The following HRNR variants were observed in gnomAD, a reference collection of about 807,000 sequenced individuals.
The protein encoded by HRNR is hornerin.
Under a neutral mutation model 4.8 loss-of-function variants are expected in HRNR, and 7 were observed. That is an observed-to-expected ratio of 1.47 (90% CI 0.83 to 2.75). HRNR has a LOEUF of 2.75. HRNR is among the 30% of genes most tolerant of loss of function. The pLI, the probability that HRNR is intolerant of heterozygous loss-of-function variation, is 0.00. For synonymous variants in HRNR, 1,023 were observed against 1,242.7 expected, an observed-to-expected ratio of 0.82 and a Z score of 3.72; for missense variants, 2,879 against 3,010.4, an observed-to-expected ratio of 0.96 and a Z score of 1.02.
At position 152,219,389 on chromosome 1, in the gene HRNR, C is replaced by G. The variant is rs948942764; in HGVS notation, c.2240G>C (p.Gly747Ala). Reference protein sequence around the residue: ...SRSEQHGSSSGLSSSYGQHGS... With the variant: ...SRSEQHGSSSALSSSYGQHGS... ...ATGCTGACCATAGCTGGAAGACAAACCTGAGCTAGATCCGTGTTGTTCACT... is the reference window on the plus strand; with the variant it reads ...ATGCTGACCATAGCTGGAAGACAAAGCTGAGCTAGATCCGTGTTGTTCACT... The change falls in exon 3 of 3, where the codon GGT becomes GCT. Residue 747 changes from glycine (G) to alanine (A), a missense_variant. Physicochemically the swap from Gly to Ala is moderately conservative, Grantham distance 60 (BLOSUM62 0). Coordinates refer to ENST00000368801, the MANE Select transcript of HRNR (RefSeq NM_001009931.3). The G allele has an allele frequency of 1.2e-6, 2 of 1,614,050 alleles. No individual in the cohort carries two copies. Among genetic ancestry groups the G allele is most frequent in the South Asian group, 2.2e-5 (2 of 91,078 alleles).
At position 152,219,236 on chromosome 1, in the gene HRNR, G is replaced by A. The variant is rs77898999; in HGVS notation, c.2393C>T (p.Thr798Ile). Residue 798 changes from threonine (T) to isoleucine (I), a missense_variant, in exon 3 of 3, where the codon ACA becomes ATA. By Grantham distance (89) the Thr-to-Ile change is moderately conservative. Transcript: ENST00000368801. ...SSSHGQHGSG[T>I]SCSSSCGHYE... is the part of the protein sequence containing the mutation. ...ATGGCCACAGCTGGAAGAACAACTT[G>A]TGCCAGACCCGTGTTGGCCGTGGCT... The A allele has an allele frequency of 6.2e-6, 10 of 1,613,800 alleles. No individual in the cohort carries two copies. Among genetic ancestry groups the A allele is most frequent in the South Asian group, 1.1e-5 (1 of 91,056 alleles).
rs756043881 is a variant in HRNR at position 152,219,461 on chromosome 1, G to A, written c.2168C>T (p.Ser723Phe). 38 of 1,613,848 alleles carry A rather than the reference G, an allele frequency of 2.4e-5. No homozygotes were observed. The East Asian group carries it at 7.6e-4, about 32-fold the overall frequency. The change falls in exon 3 of 3, where the codon TCC becomes TTC. Residue 723 changes from serine to phenylalanine, a missense_variant. By Grantham distance (155) the Ser-to-Phe change is radical (BLOSUM62 -2). Coordinates refer to ENST00000368801, the MANE Select transcript of HRNR (RefSeq NM_001009931.3). The stretch of plus-strand genomic sequence containing the variant: ...AGAGCCGTGTTTTCTGTAGCCGGAG[G>A]AGTGACTTGAGCCAGATCCATGCTG... ...YSQHGSGSSH[S>F]SGYRKHGSRS...
chr1:152,221,612 C>T (rs1428196570), intron 2 of HRNR, 122 bp from the exon 3 acceptor site: 2 of 713,852 alleles, frequency 2.8e-6, no homozygotes, highest in East Asian at 2.6e-5. Context: ...CTCATTCACA[C>T]AGTCCTTTAG....
At position 152,220,075 on chromosome 1, in the gene HRNR, A is replaced by C. The variant is rs772169218; in HGVS notation, c.1554T>G (p.Gly518=). The change falls in exon 3 of 3, where the codon GGT becomes GGG. Residue 518 remains glycine (G), a synonymous_variant. Transcript: ENST00000368801. The stretch of plus-strand genomic sequence containing the variant: ...ATTGACGGGAGCCAGACCCATGCTG[A>C]CCATAGCTGGAAGATGAACCTGCAC... ...GSSAGSSSSY[G]QHGSGSRQSL... The C allele has an allele frequency of 5.0e-6, 8 of 1,613,378 alleles. 1 individual carries two copies. The highest frequency in any genetic ancestry group is 1.3e-5 in the African/African-American group (1 of 74,794).
chr1:152,223,289 G>C lies in HRNR; in HGVS notation c.-25-11C>G. On this transcript the variant is annotated splice_polypyrimidine_tract_variant and intron_variant, in intron 1 of 2. Coordinates refer to ENST00000368801, the MANE Select transcript of HRNR (RefSeq NM_001009931.3). ...GCAAGTTTGAGTAACCTAAAGGGAGGAAAAAGAGAGACCAACCCCTTACTA... is the reference window on the plus strand; with the variant it reads ...GCAAGTTTGAGTAACCTAAAGGGAGCAAAAAGAGAGACCAACCCCTTACTA... The C allele has an allele frequency of 1.9e-6, 3 of 1,549,564 alleles. No individual in the cohort carries two copies. The highest frequency in any genetic ancestry group is 2.6e-6 in the Non-Finnish European group (3 of 1,134,500).
rs1228635104 is a variant in HRNR at position 152,220,381 on chromosome 1, G to C, written c.1248C>G (p.His416Gln). ...CTGGAGACTGGCCAGATCCAGAGCT[G>C]TGTTGGCCGCGGCCTGAAGAGTGAC... ...ASRHSSGRGQ[H>Q]SSGSGQSPGH... Residue 416 changes from histidine to glutamine, a missense_variant, in exon 3 of 3, where the codon CAC becomes CAG. By Grantham distance (24) the His-to-Gln change is conservative. Around this residue, in one of 8 missense-constraint regions of HRNR, gnomAD observed 2,646 missense variants for 1,377.7 expected, o/e 1.92. Coordinates refer to ENST00000368801, the MANE Select transcript of HRNR (RefSeq NM_001009931.3). 2 of 1,613,348 alleles carry C rather than the reference G, an allele frequency of 1.2e-6. No homozygotes were observed. Among genetic ancestry groups the C allele is most frequent in the Non-Finnish European group, 1.7e-6 (2 of 1,179,638 alleles).
In HRNR at chr1:152,220,302, C is replaced by T. The variant is rs539370486; in HGVS notation, c.1327G>A (p.Gly443Arg). 3 of 1,613,970 alleles carry T rather than the reference C, an allele frequency of 1.9e-6. No individual in the cohort carries two copies. The South Asian group carries it at 3.3e-5, about 18-fold the overall frequency. ...SGQSPSSGQHGTGFGRSSSSG... is the reference protein window; with the variant it reads ...SGQSPSSGQHRTGFGRSSSSG... ...CTGGAAGATCGACCAAAGCCAGTCC[C>T]ATGTTGGCCGGAGCTGGGAGACTGC... The change falls in exon 3 of 3, where the codon GGG (glycine) becomes AGG (arginine). Residue 443 changes from glycine (G) to arginine (R), a missense_variant. Gly to Arg is a moderately radical substitution (Grantham distance 125). Coordinates refer to ENST00000368801, the MANE Select transcript of HRNR (RefSeq NM_001009931.3).
chr1:152,218,488 A>G lies in HRNR; in HGVS notation c.3141T>C (p.Ser1047=). The part of the protein sequence containing the change: ...RGPYESGSGH[S]SGLGHRESRS... ...GAGACTCTCGGTGACCTAAGCCAGA[A>G]GAGTGACCGGAGCCAGACTCATATG... is the stretch of plus-strand genomic sequence containing the variant. Residue 1047 remains serine (S), a synonymous_variant, in exon 3 of 3, where the codon TCT becomes TCC. Transcript: ENST00000368801. 6.2e-7 allele frequency: 1 copy of G among 1,613,576 alleles called. No individual in the cohort carries two copies. Among genetic ancestry groups the G allele is most frequent in the Non-Finnish European group, 8.5e-7 (1 of 1,179,954 alleles).
In HRNR at chr1:152,218,940, C is replaced by G. The variant is rs1648792781; in HGVS notation, c.2689G>C (p.Gly897Arg). 3.7e-6 allele frequency: 6 copies of G among 1,613,662 alleles called. No individual in the cohort carries two copies. Among genetic ancestry groups the G allele is most frequent in the African/African-American group, 1.3e-5 (1 of 74,828 alleles). The stretch of plus-strand genomic sequence containing the variant: ...CTGGGAGACTGCCCTGACCCAGACC[C>G]ACGCTGGCCGTGGCCTGGAGACTGG... ...SGQSPGHGQR[G>R]SGSGQSPSYG... The change falls in exon 3 of 3, where the codon GGG becomes CGG. Residue 897 changes from glycine to arginine, a missense_variant. Transcript: ENST00000368801.
At position 152,219,095 on chromosome 1, in the gene HRNR, C is replaced by G. The variant is rs1467778994; in HGVS notation, c.2534G>C (p.Gly845Ala). The change falls in exon 3 of 3, where the codon GGA becomes GCA. Residue 845 changes from glycine (G) to alanine (A), a missense_variant. Coordinates refer to ENST00000368801, the MANE Select transcript of HRNR (RefSeq NM_001009931.3). ...SGHFSSQGRHGSTSGQSSSSG... is the reference protein window; with the variant it reads ...SGHFSSQGRHASTSGQSSSSG... ...GCTTGATGACTGCCCTGACGTAGAT[C>G]CATGTCGTCCCTGGCTAGAGAAGTG... 3 of 1,613,262 alleles carry G rather than the reference C, an allele frequency of 1.9e-6. No individual in the cohort carries two copies. The highest frequency in any genetic ancestry group is 1.3e-5 in the African/African-American group (1 of 74,626).
chr1:152,221,088 C>G lies in HRNR; in HGVS notation c.541G>C (p.Glu181Gln). 1 of 1,613,348 alleles carries G rather than the reference C, an allele frequency of 6.2e-7. No homozygotes were observed. Among genetic ancestry groups the G allele is most frequent in the Non-Finnish European group, 8.5e-7 (1 of 1,179,548 alleles). Residue 181 changes from glutamate (E) to glutamine (Q), a missense_variant, in exon 3 of 3, where the codon GAG becomes CAG. Around this residue, in one of 8 missense-constraint regions of HRNR, gnomAD observed 2,646 missense variants for 1,377.7 expected, o/e 1.92. Transcript: ENST00000368801. ...GACTGATGGGAGTCGGAGTTTTGCT[C>G]ACCATAGCTGGAAGACTGACCTGAG... ...SYSGQSSSYG[E>Q]QNSDSHQSSG...
rs773665030 is a variant in HRNR, at chr1:152,218,687, G to T, written c.2942C>A (p.Ser981Tyr). The T allele has an allele frequency of 4.3e-6, 7 of 1,614,030 alleles. 1 individual carries two copies. Among genetic ancestry groups the T allele is most frequent in the East Asian group, 2.2e-5 (1 of 44,818 alleles). Residue 981 changes from serine to tyrosine, a missense_variant, in exon 3 of 3, where the codon TCC becomes TAC. By Grantham distance (144) the Ser-to-Tyr change is moderately radical (BLOSUM62 -2). Coordinates refer to ENST00000368801, the MANE Select transcript of HRNR (RefSeq NM_001009931.3). Reference sequence around the variant, plus strand: ...GCCAGACCCATGCTGACCATAGCTGGAAGACGAACCTGAGCTAGATCCATG... The same window carrying T: ...GCCAGACCCATGCTGACCATAGCTGTAAGACGAACCTGAGCTAGATCCATG... Reference protein sequence around the residue: ...EQHGSSSGSSSSYGQHGSGSR... With the variant: ...EQHGSSSGSSYSYGQHGSGSR...
rs781369065 is a variant in HRNR at position 152,219,383 on chromosome 1, G to T, written c.2246C>A (p.Ser749Tyr). ...SEQHGSSSGLSSSYGQHGSGS... is the reference protein window; with the variant it reads ...SEQHGSSSGLYSSYGQHGSGS... ...CGACCCATGCTGACCATAGCTGGAA[G>T]ACAAACCTGAGCTAGATCCGTGTTG... The change falls in exon 3 of 3, where the codon TCT (serine) becomes TAT (tyrosine). Residue 749 changes from serine to tyrosine, a missense_variant. Around this residue, in one of 8 missense-constraint regions of HRNR, gnomAD observed 2,646 missense variants for 1,377.7 expected, o/e 1.92. Coordinates refer to ENST00000368801, the MANE Select transcript of HRNR (RefSeq NM_001009931.3). The T allele has an allele frequency of 1.2e-5, 20 of 1,614,046 alleles. No individual in the cohort carries two copies. In the African/African-American group the frequency reaches 1.9e-4, roughly 15 times the overall value.
chr1:152,219,580 A>C lies in HRNR; in HGVS notation c.2049T>G (p.Gly683=). ...CATGTGGGCCATTGCTTGAAGACCA[A>C]CCGGAGCCAGACCCATGTTGGCCGT... ...SSYGQHGSGS[G]WSSSNGPHGS... The change falls in exon 3 of 3, where the codon GGT becomes GGG. Residue 683 remains glycine (G), a synonymous_variant. Coordinates refer to ENST00000368801, the MANE Select transcript of HRNR (RefSeq NM_001009931.3). 1 of 1,611,816 alleles carries C rather than the reference A, an allele frequency of 6.2e-7. No homozygotes were observed. The highest frequency in any genetic ancestry group is 8.5e-7 in the Non-Finnish European group (1 of 1,179,282).
rs1324337682 is a variant in HRNR at position 152,218,562 on chromosome 1, T to C, written c.3067A>G (p.Ser1023Gly). ...GAGCCAGACCTATATGGGCCATAGC[T>C]GGAAGACTGCCCGGAACCAGACCCA... Reference protein sequence around the residue: ...RHGSGSGQSSSYGPYRSGSGW... With the variant: ...RHGSGSGQSSGYGPYRSGSGW... The change falls in exon 3 of 3, where the codon AGC becomes GGC. Residue 1023 changes from serine (S) to glycine (G), a missense_variant. By Grantham distance (56) the Ser-to-Gly change is moderately conservative. Around this residue, in one of 8 missense-constraint regions of HRNR, gnomAD observed 2,646 missense variants for 1,377.7 expected, o/e 1.92. Transcript: ENST00000368801. 1 of 1,613,766 alleles carries C rather than the reference T, an allele frequency of 6.2e-7. No homozygotes were observed. Among genetic ancestry groups the C allele is most frequent in the African/African-American group, 1.3e-5 (1 of 74,938 alleles).
chr1:152,212,932 G>C lies in HRNR; in HGVS notation c.*144C>G, dbSNP rs1263398877. The C allele has an allele frequency of 1.8e-6, 2 of 1,117,260 alleles. No homozygotes were observed. Among genetic ancestry groups the C allele is most frequent in the African/African-American group, 1.6e-5 (1 of 63,248 alleles). 69.2% of individuals were successfully genotyped at this position (1,117,260 alleles called of 1,614,324 possible). ...TAACAAGATATATGCTACAGTTTTA[G>C]GCTCTAAAGAAAGAGACAGAAATGC... On this transcript the variant is annotated 3_prime_UTR_variant, in exon 3 of 3. Coordinates refer to ENST00000368801, the MANE Select transcript of HRNR (RefSeq NM_001009931.3).
Position 152,212,775 on chromosome 1 carries a change from C to A in HRNR, c.*301G>T. On this transcript the variant is annotated 3_prime_UTR_variant, in exon 3 of 3. Coordinates refer to ENST00000368801, the MANE Select transcript of HRNR (RefSeq NM_001009931.3). ...TGATGAGCTCTCAAAAAGACAACTC[C>A]AACTAAACCCAAAGCTCTTTAAAAG... is the stretch of plus-strand genomic sequence containing the variant. 2.4e-6 allele frequency: 1 copy of A among 418,920 alleles called. No individual in the cohort carries two copies. The highest frequency in any genetic ancestry group is 3.1e-5 in the South Asian group (1 of 31,916). 26.0% of individuals were successfully genotyped at this position (418,920 alleles called of 1,614,324 possible). A position where few individuals can be genotyped will look rare whatever the true frequency, so the allele number is the denominator to read the frequency against.
Position 152,219,492 on chromosome 1 carries a change from A to T in HRNR, c.2137T>A (p.Tyr713Asn). 1 of 1,613,546 alleles carries T rather than the reference A, an allele frequency of 6.2e-7. No individual in the cohort carries two copies. The highest frequency in any genetic ancestry group is 1.1e-5 in the South Asian group (1 of 91,024). The change falls in exon 3 of 3, where the codon TAC becomes AAC. Residue 713 changes from tyrosine to asparagine, a missense_variant. Transcript: ENST00000368801. ...CTTGAGCCAGATCCATGCTGACTGTAACCAGAGGACTGCCCTGAGCCAGAC... is the reference window on the plus strand; with the variant it reads ...CTTGAGCCAGATCCATGCTGACTGTTACCAGAGGACTGCCCTGAGCCAGAC... The part of the protein sequence containing the change: ...HKSGSGQSSG[Y>N]SQHGSGSSHS...
At position 152,218,390 on chromosome 1, in the gene HRNR, C is replaced by T. The variant is rs1648740365; in HGVS notation, c.3239G>A (p.Gly1080Asp). The change falls in exon 3 of 3, where the codon GGT (glycine) becomes GAT (aspartate). Residue 1080 changes from glycine to aspartate, a missense_variant. Physicochemically the swap from Gly to Asp is moderately conservative, Grantham distance 94. Transcript: ENST00000368801. ...SGHSSTHGQH[G>D]STSGQSSSCG... ...GCTCGATGACTGTCCTGATGTAGAA[C>T]CGTGTTGCCCATGGGTAGAGGAATG... 1.2e-6 allele frequency: 2 copies of T among 1,612,502 alleles called. No homozygotes were observed. The highest frequency in any genetic ancestry group is 1.1e-5 in the South Asian group (1 of 91,058).
Sources: allele counts gnomAD v4.1 joint callset, GRCh38; gene constraint gnomAD v4.1.1; regional missense constraint gnomAD v4.1.1; transcripts MANE v1.5; gene names NCBI Gene and HGNC (gene_info 2026-07-23, HGNC 2026-07-21).